The following NCOR1 variants were observed in gnomAD, a reference collection of about 807,000 sequenced individuals.
NCOR1 encodes protein phosphatase 1, regulatory subunit 109.
In NCOR1, 63 loss-of-function variants were observed where a neutral mutation model predicts 288.1. That is an observed-to-expected ratio of 0.22 (90% CI 0.18 to 0.27). The LOEUF is 0.27. Among genes scored for constraint, NCOR1 ranks in the 10% least tolerant of loss-of-function variants. The pLI, the probability that NCOR1 is intolerant of heterozygous loss-of-function variation, is 1.00. For synonymous variants in NCOR1, 1,007 were observed against 1,065.9 expected (o/e 0.94, Z 1.08); for missense variants, 2,397 against 3,019.2 (o/e 0.79, Z 4.83).
chr17:16,200,495 C>CAAAA (rs55957034), intron 1 of NCOR1, among the ~76,000 whole-genome samples: 12 of 60,682 alleles, frequency 2.0e-4, no homozygotes, highest in Non-Finnish European at 1.7e-4. Flanking sequence ...GACTCCATCT[C>CAAAA]AAAAAAAAAA....
chr17:16,108,081 A>T (rs188799049), intron 19 of NCOR1, among the ~76,000 whole-genome samples: 22 of 152,138 alleles, frequency 1.4e-4, no homozygotes, highest in Admixed American at 1.1e-3. Context: ...AATGATGGAA[A>T]AAATTATCTG....
chr17:16,077,628 GAAGGGAAAAGAA>G (rs2062761604), intron 26 of NCOR1, among the ~76,000 whole-genome samples: 1 of 149,594 alleles, frequency 6.7e-6, no homozygotes, highest in African/African-American at 2.5e-5. Context: ...AGGAAGGGAG[GAAGGGAAAAGAA>G]AAGAGAAAAG....
intron 4 of NCOR1, among the ~76,000 whole-genome samples, chr17:16,169,591 A>G (rs1379419651): frequency 6.6e-6 from 1 of 152,106 alleles, no homozygotes; most frequent in Non-Finnish European, 1.5e-5. Flanking sequence ...GGGGAAAAAA[A>G]GCAGGACTAG....
intron 42 of NCOR1, chr17:16,044,614 C>T: frequency 1.7e-6 from 1 of 598,710 alleles, no homozygotes; most frequent in Admixed American, 2.0e-5. Flanking sequence ...CCACACTTGC[C>T]CATACCATGT....
chr17:16,175,833 T>C (rs1314816687), intron 3 of NCOR1, among the ~76,000 whole-genome samples: 1 of 110,680 alleles, frequency 9.0e-6, no homozygotes, highest in African/African-American at 3.3e-5. Flanking sequence ...TTTGTCTCTT[T>C]TAAAAAAAAA....
rs534790198 is a variant in NCOR1, at chr17:16,167,042, T to C, written c.436-1881A>G. Among the ~76,000 whole-genome samples, 630 of 150,902 alleles carry C rather than the reference T, an allele frequency of 4.2e-3. 7 individuals are homozygous for C. Among genetic ancestry groups the C allele is most frequent in the African/African-American group, 0.015 (608 of 40,216 alleles). ...CACCAGGACTTTCATGATACATTAA[T>C]ATCATTCTCCCACTATATGCATATG... On this transcript the variant is annotated intron_variant, in intron 4 of 45. Coordinates refer to ENST00000268712, the MANE Select transcript of NCOR1 (RefSeq NM_006311.4).
chr17:16,095,008 G>A (rs1351993583), intron 21 of NCOR1, among the ~76,000 whole-genome samples: 26 of 151,386 alleles, frequency 1.7e-4, no homozygotes, highest in South Asian at 4.2e-4. Flanking sequence ...AGTGAGGAGC[G>A]TCTCTGCCTG....
intron 1 of NCOR1, among the ~76,000 whole-genome samples, chr17:16,201,732 A>G (rs1568656279): frequency 6.6e-6 from 1 of 152,204 alleles, no homozygotes; most frequent in Non-Finnish European, 1.5e-5. Context: ...TGTCGACACT[A>G]CATTGAACTA....
At chr17:16,120,918 TA>T in intron 16 of NCOR1, 133 bp downstream of exon 16, 1 of 793,942 alleles carries the variant, frequency 1.3e-6, no homozygotes, top group Non-Finnish European at 1.8e-6. Context: ...CATTAAAGTT[TA>T]AAAAATTTAA....
At chr17:16,067,344 T>C (rs1272858802) in intron 32 of NCOR1, among the ~76,000 whole-genome samples, 1 of 152,134 alleles carries the variant, frequency 6.6e-6, no homozygotes, top group East Asian at 1.9e-4. Context: ...TTGGAAAGAG[T>C]TGATACAGAA....
At position 16,064,204 on chromosome 17, in the gene NCOR1, T is replaced by A; in HGVS notation, c.5102-17A>T. On this transcript the variant is annotated splice_polypyrimidine_tract_variant and intron_variant, in intron 34 of 45. Coordinates refer to ENST00000268712, the MANE Select transcript of NCOR1 (RefSeq NM_006311.4). ...TTGGGTGTCCTGTAAAACATAAACC[T>A]GCAGCTTAAAGATAAAAATATCAAC... 1 of 1,605,094 alleles carries A rather than the reference T, an allele frequency of 6.2e-7. No individual in the cohort carries two copies. The highest frequency in any genetic ancestry group is 1.7e-4 in the Middle Eastern group (1 of 5,994).
At chr17:16,152,240 G>A (rs1433638522) in intron 7 of NCOR1, among the ~76,000 whole-genome samples, 1 of 152,064 alleles carries the variant, frequency 6.6e-6, no homozygotes, top group African/African-American at 2.4e-5. Flanking sequence ...GTGCTGTGTT[G>A]GTTTGCTGCA....
chr17:16,122,120 T>C (rs2073136612), intron 15 of NCOR1, among the ~76,000 whole-genome samples: 1 of 152,194 alleles, frequency 6.6e-6, no homozygotes, highest in South Asian at 2.1e-4. Flanking sequence ...GTCTCAGGCA[T>C]GTAGAAACAT....
chr17:16,067,793 G>T (rs1452959284), intron 32 of NCOR1, 101 bp downstream of exon 32: 2 of 1,127,326 alleles, frequency 1.8e-6, no homozygotes, highest in South Asian at 1.7e-5. Flanking sequence ...GTACATTAAT[G>T]ATATTTGCAA....
At chr17:16,047,861 T>C (rs2058849471) in intron 41 of NCOR1, among the ~76,000 whole-genome samples, 1 of 152,036 alleles carries the variant, frequency 6.6e-6, no homozygotes, top group South Asian at 2.1e-4. Context: ...ACAATTAAGG[T>C]GATAGGAACA....
intron 3 of NCOR1, among the ~76,000 whole-genome samples, chr17:16,184,068 C>T (rs2086096255): frequency 6.6e-6 from 1 of 152,052 alleles, no homozygotes; most frequent in Non-Finnish European, 1.5e-5. Context: ...ACAGCATATA[C>T]AAAAATCAAC....
chr17:16,109,026 C>T (rs1318300920), intron 18 of NCOR1, 114 bp from the exon 19 acceptor site: 1 of 833,760 alleles, frequency 1.2e-6, no homozygotes, highest in South Asian at 2.9e-5. Context: ...AAGGAGGTCA[C>T]ATGTTTGACA....
chr17:16,148,688 A>C (rs900778671), intron 9 of NCOR1, among the ~76,000 whole-genome samples: 2 of 150,166 alleles, frequency 1.3e-5, no homozygotes, highest in African/African-American at 4.9e-5. Context: ...AAAAAAAAAA[A>C]AACAACTCAA....
In NCOR1 at chr17:16,074,778, T is replaced by G. The variant is rs2062201519; in HGVS notation, c.3670+756A>C. On this transcript the variant is annotated intron_variant, in intron 27 of 45. Transcript: ENST00000268712. Reference sequence around the variant, plus strand: ...ACTGAGAAAATATAACAAGAATACATCTAAAAAAATGTACATAGACATTAA... The same window carrying G: ...ACTGAGAAAATATAACAAGAATACAGCTAAAAAAATGTACATAGACATTAA... Among the ~76,000 whole-genome samples the G allele has an allele frequency of 2.0e-5, 3 of 151,626 alleles. No individual in the cohort carries two copies. The South Asian group carries it at 6.2e-4, about 31-fold the overall frequency.
Sources: allele counts gnomAD v4.1 joint callset (sites outside exome capture counted in the v4.1 genomes callset), GRCh38; gene constraint gnomAD v4.1.1; transcripts MANE v1.5; gene names NCBI Gene and HGNC (gene_info 2026-07-23, HGNC 2026-07-21).